RBM41: variants seen among roughly 807,000 people sequenced by gnomAD.
RBM41 encodes the protein RNA binding motif protein 41, also known as RNA-binding protein 41.
A neutral mutation model predicts 30.8 loss-of-function variants in RBM41; 14 were observed. The ratio of observed to expected loss-of-function variants is 0.45; its 90% CI spans 0.30 to 0.71. The LOEUF is 0.71. RBM41 is among the 30% of genes least tolerant of loss of function. The pLI is 0.08. For synonymous variants in RBM41, 120 were observed against 110.1 expected, an observed-to-expected ratio of 1.09 and a Z score of -0.56; for missense variants, 276 against 326.3, an observed-to-expected ratio of 0.85 and a Z score of 1.19.
At position 107,111,258 on chromosome X, in the gene RBM41, A is replaced by G. The variant is rs748913726; in HGVS notation, c.595+2139T>C. Reference sequence around the variant, plus strand: ...CTGAACAGATACATCTCCAAAGAAGATATACAAATGGCCAAAAAGCATGTG... The same window carrying G: ...CTGAACAGATACATCTCCAAAGAAGGTATACAAATGGCCAAAAAGCATGTG... On this transcript the variant is annotated intron_variant, in intron 5 of 7. Coordinates refer to ENST00000685964, the MANE Select transcript of RBM41 (RefSeq NM_001324242.2). Among the ~76,000 whole-genome samples, 7 of 111,833 alleles carry G rather than the reference A, an allele frequency of 6.3e-5. No homozygotes were observed. In the East Asian group the frequency reaches 2.0e-3, roughly 31 times the overall value.
downstream of RBM41, among the ~76,000 whole-genome samples, chrX:107,060,115 TAGA>T (rs774237896): frequency 9.0e-6 from 1 of 110,565 alleles, no homozygotes; most frequent in East Asian, 2.9e-4. Context: ...TGGCCAAAGG[TAGA>T]AGAATTTGAG....
intron 6 of RBM41, among the ~76,000 whole-genome samples, chrX:107,081,077 C>G (rs1921477194): frequency 9.0e-6 from 1 of 111,691 alleles, no homozygotes; most frequent in Non-Finnish European, 1.9e-5. Context: ...GGTGATATAT[C>G]TGATAAATAC....
intron 4 of RBM41, 87 bp from the exon 5 acceptor site, chrX:107,113,555 C>T (rs1924667978): frequency 1.0e-6 from 1 of 953,365 alleles, no homozygotes; most frequent in Non-Finnish European, 1.4e-6. Context: ...ATACCAGGTA[C>T]TGCTTTAAGT....
At chrX:107,105,654 T>G in intron 5 of RBM41, among the ~76,000 whole-genome samples, 1 of 111,497 alleles carries the variant, frequency 9.0e-6, no homozygotes, top group East Asian at 2.8e-4. Flanking sequence ...AGCATGGTAC[T>G]GGTACCAAAA....
chrX:107,105,004 GA>G (rs760996557), intron 5 of RBM41, among the ~76,000 whole-genome samples: 1 of 110,221 alleles, frequency 9.1e-6, no homozygotes, highest in East Asian at 2.9e-4. Flanking sequence ...CATAGTGTTG[GA>G]AGTTCTGGCC....
downstream of RBM41, among the ~76,000 whole-genome samples, chrX:107,057,025 GC>G (rs1340228687): frequency 9.1e-6 from 1 of 109,460 alleles, no homozygotes; most frequent in Admixed American, 9.8e-5. Context: ...AAGCCACAAT[GC>G]CCAGCTAATT....
At chrX:107,056,804 A>C in the RBM41 span, among the ~76,000 whole-genome samples, 1 of 104,664 alleles carries the variant, frequency 9.6e-6, no homozygotes, top group Non-Finnish European at 1.9e-5. Flanking sequence ...TGATCTTCTC[A>C]AATAATCTTT....
chrX:107,116,439 G>A (rs1924883252), intron 2 of RBM41, among the ~76,000 whole-genome samples: 1 of 111,855 alleles, frequency 8.9e-6, no homozygotes, highest in Non-Finnish European at 1.9e-5. Context: ...GGATGCTGTA[G>A]GAGGACATAA....
intron 5 of RBM41, among the ~76,000 whole-genome samples, chrX:107,105,752 A>T (rs1438088199): frequency 4.5e-5 from 5 of 111,921 alleles, no homozygotes; most frequent in Non-Finnish European, 9.4e-5. Context: ...AACCTGACAA[A>T]AACAAGGAAT....
chrX:107,104,513 T>C (rs1421192564), intron 5 of RBM41, among the ~76,000 whole-genome samples: 4 of 111,590 alleles, frequency 3.6e-5, no homozygotes, highest in Admixed American at 9.6e-5. Context: ...AATATTAACA[T>C]ATTATATTAT....
chrX:107,073,000 GATC>G (rs1936117822), intron 6 of RBM41, among the ~76,000 whole-genome samples: 2 of 110,907 alleles, frequency 1.8e-5, no homozygotes, highest in African/African-American at 6.6e-5. Context: ...ACTCAAAACA[GATC>G]AAAGACCTAA....
intron 5 of RBM41, among the ~76,000 whole-genome samples, chrX:107,092,736 T>C (rs1922652086): frequency 1.8e-5 from 2 of 112,290 alleles, no homozygotes; most frequent in Admixed American, 1.9e-4. Flanking sequence ...AGTGAAGTTG[T>C]AGAGCAACTG....
At chrX:107,055,953 A>G in the RBM41 span, among the ~76,000 whole-genome samples, 4 of 112,248 alleles carry the variant, frequency 3.6e-5, no homozygotes, top group African/African-American at 9.7e-5. Flanking sequence ...AACTAACATC[A>G]TACACAATGG....
chrX:107,113,928 A>G (rs1280670995), intron 4 of RBM41, among the ~76,000 whole-genome samples: 1 of 111,171 alleles, frequency 9.0e-6, no homozygotes, highest in Admixed American at 9.5e-5. Flanking sequence ...TCTAGTTCTG[A>G]CCTCTCTCCT....
At chrX:107,115,075 G>A (rs1924783616) in intron 4 of RBM41, 3 of 338,500 alleles carry the variant, frequency 8.9e-6, no homozygotes, top group Non-Finnish European at 1.5e-5. Flanking sequence ...TCAGGAGTTA[G>A]TATAAATGTC....
chrX:107,075,906 G>A (rs990409234), intron 6 of RBM41, among the ~76,000 whole-genome samples: 1 of 111,740 alleles, frequency 8.9e-6, no homozygotes, highest in Admixed American at 9.5e-5. Flanking sequence ...GCTGAAATCA[G>A]CATCTCAAAG....
At chrX:107,069,227 G>A (rs1042817848) in intron 7 of RBM41, 28 bp downstream of exon 7, 10 of 1,160,500 alleles carry the variant, frequency 8.6e-6, no homozygotes, top group Non-Finnish European at 1.2e-5. Context: ...AGGGGCAACT[G>A]AGTAATCATC....
At chrX:107,082,051 G>A (rs753977284) in intron 6 of RBM41, among the ~76,000 whole-genome samples, 2 of 111,747 alleles carry the variant, frequency 1.8e-5, no homozygotes, top group Non-Finnish European at 3.8e-5. Context: ...TTCTAGTACA[G>A]TGTCAAAAAG....
At chrX:107,103,958 C>T (rs932327983) in intron 5 of RBM41, among the ~76,000 whole-genome samples, 1 of 110,853 alleles carries the variant, frequency 9.0e-6, no homozygotes, top group Non-Finnish European at 1.9e-5. Flanking sequence ...CGATGATTGT[C>T]TTTATTCCCA....
Sources: allele counts gnomAD v4.1 joint callset (sites outside exome capture counted in the v4.1 genomes callset), GRCh38; gene constraint gnomAD v4.1.1; transcripts MANE v1.5; gene names NCBI Gene and HGNC (gene_info 2026-07-23, HGNC 2026-07-21).